The following ZNF143 variants were observed in gnomAD, a reference collection of about 807,000 sequenced individuals.
ZNF143 encodes SPH-binding factor.
In ZNF143, 49 loss-of-function variants were observed where a neutral mutation model predicts 74.1. The observed-to-expected ratio is 0.66, with a 90% CI of 0.53 to 0.84. The LOEUF is 0.84. ZNF143 is among the 40% of genes least tolerant of loss of function. ZNF143 has a pLI of 0.00. For missense variants in ZNF143, 637 were observed against 793.4 expected (o/e 0.80, Z 2.37); for synonymous variants, 304 against 282.8 (o/e 1.07, Z -0.75).
rs1489108485 is a variant in ZNF143, at chr11:9,501,197, C to A, written c.1074C>A (p.Tyr358Ter). The stretch of plus-strand genomic sequence containing the variant: ...CACACACAGGAGAAAGACCTTATTA[C>A]TGCACAGAGCCAGGATGTGGGAGGG... ...VRTHTGERPY[Y>*]CTEPGCGRAF... The change falls in exon 11 of 16, where the codon TAC becomes TAA. Residue 358 changes from tyrosine to a stop codon, truncating the protein, a stop_gained. Coordinates refer to ENST00000396602, the MANE Select transcript of ZNF143 (RefSeq NM_003442.6). LOFTEE classifies it high-confidence loss of function. 6.2e-7 allele frequency: 1 copy of A among 1,614,048 alleles called. No individual in the cohort carries two copies. The highest frequency in any genetic ancestry group is 8.5e-7 in the Non-Finnish European group (1 of 1,180,030).
chr11:9,520,078 C>T (rs971821754), intron 14 of ZNF143, among the ~76,000 whole-genome samples: 3 of 143,076 alleles, frequency 2.1e-5, no homozygotes, highest in African/African-American at 8.1e-5. Flanking sequence ...CCTCTGTCGC[C>T]CAGACTGCAG....
intron 2 of ZNF143, among the ~76,000 whole-genome samples, chr11:9,471,822 G>T (rs1027548632): frequency 5.3e-5 from 8 of 152,040 alleles, no homozygotes; most frequent in African/African-American, 1.9e-4. Context: ...AAAGTGCTGG[G>T]ATTACAGGCA....
At chr11:9,461,234 G>A (rs543396819) in intron 1 of ZNF143, among the ~76,000 whole-genome samples, 158 bp downstream of exon 1, 3 of 152,164 alleles carry the variant, frequency 2.0e-5, no homozygotes, top group African/African-American at 7.2e-5. Flanking sequence ...CCGCGGTAGC[G>A]GCGTCTGGGC....
intron 7 of ZNF143, 69 bp downstream of exon 7, chr11:9,479,615 A>G: frequency 7.9e-7 from 1 of 1,270,422 alleles, no homozygotes; most frequent in Non-Finnish European, 1.1e-6. Context: ...GGATGAAAGC[A>G]AGAATAGGTA....
chr11:9,501,383 G>A, intron 11 of ZNF143, 113 bp downstream of exon 11: 2 of 1,272,238 alleles, frequency 1.6e-6, no homozygotes, highest in Non-Finnish European at 2.2e-6. Context: ...ACTTGGCATG[G>A]TGGAAAGAGA....
At chr11:9,465,895 G>A (rs1289043112) in intron 1 of ZNF143, among the ~76,000 whole-genome samples, 2 of 151,880 alleles carry the variant, frequency 1.3e-5, no homozygotes, top group Admixed American at 1.3e-4. Flanking sequence ...CACAATCACA[G>A]CTCACTGCAG....
At chr11:9,464,775 T>C (rs1856094644) in intron 1 of ZNF143, among the ~76,000 whole-genome samples, 2 of 151,446 alleles carry the variant, frequency 1.3e-5, no homozygotes, top group Non-Finnish European at 2.9e-5. Context: ...TACAAAAAAT[T>C]AGCTGGGCAT....
At chr11:9,473,733 A>G (rs1189743243) in intron 3 of ZNF143, 2 of 1,485,752 alleles carry the variant, frequency 1.3e-6, no homozygotes, top group Non-Finnish European at 1.8e-6. Flanking sequence ...TGAAAATTGC[A>G]GGGGAGGAAG....
intron 7 of ZNF143, among the ~76,000 whole-genome samples, chr11:9,486,378 T>TATA (rs1847494982): frequency 2.8e-5 from 1 of 36,196 alleles, no homozygotes; most frequent in Non-Finnish European, 4.9e-5. Context: ...TATAATATAT[T>TATA]ATATATATAA....
At chr11:9,465,984 A>G (rs1476904906) in intron 1 of ZNF143, among the ~76,000 whole-genome samples, 1 of 149,814 alleles carries the variant, frequency 6.7e-6, no homozygotes, top group Non-Finnish European at 1.5e-5. Flanking sequence ...CCAAGCTACC[A>G]TGTCTGGCTA....
At chr11:9,498,926 A>G (rs1274025721) in intron 10 of ZNF143, among the ~76,000 whole-genome samples, 2 of 152,206 alleles carry the variant, frequency 1.3e-5, no homozygotes, top group East Asian at 1.9e-4. Context: ...TGAGGAACAG[A>G]GCTGTAGGTC....
intron 7 of ZNF143, among the ~76,000 whole-genome samples, chr11:9,483,531 T>C (rs1847336550): frequency 6.7e-6 from 1 of 149,810 alleles, no homozygotes; most frequent in Admixed American, 6.6e-5. Flanking sequence ...CTCCTGACAT[T>C]GTGATCCGCC....
chr11:9,492,465 T>G (rs1847818802), intron 7 of ZNF143, among the ~76,000 whole-genome samples: 1 of 151,960 alleles, frequency 6.6e-6, no homozygotes, highest in Non-Finnish European at 1.5e-5. Flanking sequence ...GTCAGGCTGG[T>G]CTTGAACTTG....
At position 9,493,510 on chromosome 11, in the gene ZNF143, C is replaced by T. The variant is rs117932420; in HGVS notation, c.646-1136C>T. Among the ~76,000 whole-genome samples the T allele has an allele frequency of 6.9e-3, 1,053 of 152,216 alleles. 4 individuals carry two copies. Among genetic ancestry groups the T allele is most frequent in the Middle Eastern group, 0.014 (4 of 294 alleles). ...TTTAACAATTACACTGAGATCTCTA[C>T]TGCTTGTTTTTTAGTTGATTTATAT... On this transcript the variant is annotated intron_variant, in intron 7 of 15. Transcript: ENST00000396602.
At chr11:9,478,321 T>C in intron 5 of ZNF143, 69 bp from the exon 6 acceptor site, 1 of 1,521,686 alleles carries the variant, frequency 6.6e-7, no homozygotes, top group Non-Finnish European at 9.0e-7. Context: ...ATTTCTCTCT[T>C]CCTTTAAATA....
chr11:9,521,684 T>C lies in ZNF143; in HGVS notation c.1687-3556T>C, dbSNP rs938006408. Among the ~76,000 whole-genome samples, 8 of 152,152 alleles carry C rather than the reference T, an allele frequency of 5.3e-5. No homozygotes were observed. In the East Asian group the frequency reaches 1.5e-3, roughly 29 times the overall value. On this transcript the variant is annotated intron_variant, in intron 14 of 15. Coordinates refer to ENST00000396602, the MANE Select transcript of ZNF143 (RefSeq NM_003442.6). ...TTGTATCCATTTTGCTAAGTTTTGT[T>C]TTTGTAAGTTTGTCTGTTTCATCTA... is the stretch of plus-strand genomic sequence containing the variant.
At chr11:9,485,748 C>T (rs1847448119) in intron 7 of ZNF143, among the ~76,000 whole-genome samples, 1 of 151,506 alleles carries the variant, frequency 6.6e-6, no homozygotes, top group Non-Finnish European at 1.5e-5. Flanking sequence ...AAAGAGAATA[C>T]ATTTTTAAAA....
At chr11:9,488,058 G>T (rs955312437) in intron 7 of ZNF143, among the ~76,000 whole-genome samples, 2 of 151,900 alleles carry the variant, frequency 1.3e-5, no homozygotes, top group African/African-American at 4.8e-5. Context: ...TGTCTTTTCA[G>T]TCTGTTCCCC....
intron 7 of ZNF143, among the ~76,000 whole-genome samples, chr11:9,486,374 A>AT: frequency 2.6e-5 from 1 of 38,924 alleles, no homozygotes; most frequent in African/African-American, 1.1e-4. Flanking sequence ...TATATATAAT[A>AT]TATTATATAT....
Sources: gnomAD v4.1 joint callset for allele counts (sites outside exome capture counted in the v4.1 genomes callset) on GRCh38, gnomAD v4.1.1 for gene constraint, MANE v1.5 for transcripts, NCBI Gene and HGNC (gene_info 2026-07-23, HGNC 2026-07-21) for gene names.